The following TECRL variants were observed in gnomAD, a reference collection of about 807,000 sequenced individuals.
The protein encoded by TECRL is trans-2,3-enoyl-CoA reductase-like.
TECRL carries 63 observed loss-of-function variants against 52.8 expected under a neutral mutation model. That is an observed-to-expected ratio of 1.19 (90% CI 0.97 to 1.47). The LOEUF (loss-of-function observed/expected upper bound fraction) is 1.47, where lower values mean the gene tolerates loss of function less well. Ranked by LOEUF, TECRL falls within the 40% of genes most tolerant of loss-of-function variation. TECRL has a pLI of 0.00. For synonymous variants in TECRL, 164 were observed against 141.9 expected, an observed-to-expected ratio of 1.16 and a Z score of -1.10; for missense variants, 482 against 429.6, an observed-to-expected ratio of 1.12 and a Z score of -1.08.
At chr4:64,345,758 C>T (rs1441474862) in intron 2 of TECRL, among the ~76,000 whole-genome samples, 1 of 151,476 alleles carries the variant, frequency 6.6e-6, no homozygotes, top group Non-Finnish European at 1.5e-5. Context: ...AGTTAAGGTC[C>T]TGTTGAACCT....
intron 2 of TECRL, among the ~76,000 whole-genome samples, chr4:64,330,619 A>G (rs1028187394): frequency 2.0e-5 from 3 of 152,120 alleles, no homozygotes; most frequent in African/African-American, 7.2e-5. Context: ...CCTGGGCAAT[A>G]TAATGAGACT....
At chr4:64,328,410 C>A in intron 3 of TECRL, 102 bp downstream of exon 3, 1 of 939,904 alleles carries the variant, frequency 1.1e-6, no homozygotes, top group Admixed American at 2.3e-5. Context: ...TTAAATAATA[C>A]TAATATTTGT....
At chr4:64,308,477 G>T (rs1312082906) in intron 6 of TECRL, among the ~76,000 whole-genome samples, 1 of 152,118 alleles carries the variant, frequency 6.6e-6, no homozygotes, top group African/African-American at 2.4e-5. Flanking sequence ...ACAACCCCAG[G>T]GGGATCTCTA....
chr4:64,366,105 G>A (rs1232684987), intron 2 of TECRL, among the ~76,000 whole-genome samples: 4 of 151,920 alleles, frequency 2.6e-5, no homozygotes, highest in Admixed American at 2.6e-4. Flanking sequence ...CTGATCTTTG[G>A]CAAAGTGGTC....
chr4:64,294,441 G>T (rs867776126), intron 8 of TECRL, among the ~76,000 whole-genome samples: 22 of 152,016 alleles, frequency 1.4e-4, no homozygotes, highest in African/African-American at 5.3e-4. Flanking sequence ...AAGAAAATAG[G>T]TTATGATGCG....
At chr4:64,307,589 A>G (rs556516051) in intron 6 of TECRL, among the ~76,000 whole-genome samples, 2 of 152,244 alleles carry the variant, frequency 1.3e-5, no homozygotes, top group South Asian at 4.2e-4. Flanking sequence ...CATATGTGTA[A>G]CAATCCATCT....
rs567833551 is a variant in TECRL at position 64,340,336 on chromosome 4, C to A, written c.287-11780G>T. Reference sequence around the variant, plus strand: ...GCTGCAGCCACCCAAATCATGGCTGCAGGCCCAGGAATCCCTGAACTCTCA... The same window carrying A: ...GCTGCAGCCACCCAAATCATGGCTGAAGGCCCAGGAATCCCTGAACTCTCA... On this transcript the variant is annotated intron_variant, in intron 2 of 11. Coordinates refer to ENST00000381210, the MANE Select transcript of TECRL (RefSeq NM_001010874.5). Among the ~76,000 whole-genome samples, 437 of 152,352 alleles carry A rather than the reference C, an allele frequency of 2.9e-3. 2 individuals are homozygous for A. Among genetic ancestry groups the A allele is most frequent in the Non-Finnish European group, 5.1e-3 (348 of 68,032 alleles).
chr4:64,305,927 C>A (rs1389749224), intron 6 of TECRL, among the ~76,000 whole-genome samples: 2 of 152,162 alleles, frequency 1.3e-5, no homozygotes, highest in East Asian at 3.9e-4. Context: ...GAGAGCATTT[C>A]TATTGCTTAA....
chr4:64,298,909 TAC>T (rs1388784239), intron 8 of TECRL: 1 of 151,250 alleles, frequency 6.6e-6, no homozygotes, highest in Admixed American at 6.6e-5. Flanking sequence ...GTACGCTGTA[TAC>T]AACATTAAAT....
At chr4:64,309,733 TAA>T in intron 6 of TECRL, 91 bp downstream of exon 6, 1 of 846,956 alleles carries the variant, frequency 1.2e-6, no homozygotes, top group South Asian at 1.5e-5. Flanking sequence ...CGTGAAAATC[TAA>T]GTTTCGGAAG....
chr4:64,339,741 C>T (rs554834893), intron 2 of TECRL, among the ~76,000 whole-genome samples: 1 of 152,100 alleles, frequency 6.6e-6, no homozygotes, highest in South Asian at 2.1e-4. Context: ...GCACTACCCC[C>T]AAACTAGAGA....
rs58081123 is a variant in TECRL, at chr4:64,374,021, G to T, written c.286+1151C>A. Among the ~76,000 whole-genome samples, 170 of 25,250 alleles carry T rather than the reference G, an allele frequency of 6.7e-3. 3 individuals are homozygous for T. The highest frequency in any genetic ancestry group is 0.022 in the African/African-American group (161 of 7,476). 16.6% of individuals were successfully genotyped at this position (25,250 alleles called of 152,430 possible). A position where few individuals can be genotyped will look rare whatever the true frequency, so the allele number is the denominator to read the frequency against. On this transcript the variant is annotated intron_variant, in intron 2 of 11. Coordinates refer to ENST00000381210, the MANE Select transcript of TECRL (RefSeq NM_001010874.5). ...CTATACTATAGTATAGTATATAGTA[G>T]ATACATATATATATATGTATATAGT...
chr4:64,390,639 C>T (rs572749172), intron 1 of TECRL, among the ~76,000 whole-genome samples: 1 of 151,862 alleles, frequency 6.6e-6, no homozygotes, highest in South Asian at 2.1e-4. Context: ...GGAGTCATTG[C>T]TTACTTTAAA....
chr4:64,360,768 T>A (rs1469494505), intron 2 of TECRL, among the ~76,000 whole-genome samples: 1 of 152,076 alleles, frequency 6.6e-6, no homozygotes, highest in Non-Finnish European at 1.5e-5. Flanking sequence ...GTGAGTGCAA[T>A]AGGTGTGGAA....
chr4:64,396,043 T>A (rs1258333968), intron 1 of TECRL, among the ~76,000 whole-genome samples: 1 of 152,198 alleles, frequency 6.6e-6, no homozygotes, highest in Non-Finnish European at 1.5e-5. Flanking sequence ...ATGGTATACA[T>A]GTATCATGTT....
At chr4:64,372,629 A>G (rs923807654) in intron 2 of TECRL, among the ~76,000 whole-genome samples, 3 of 151,836 alleles carry the variant, frequency 2.0e-5, no homozygotes, top group Non-Finnish European at 4.4e-5. Context: ...TGTAAAGCTG[A>G]TAAGTCTGAG....
chr4:64,285,444 G>A (rs574317637), intron 9 of TECRL, among the ~76,000 whole-genome samples: 1 of 152,054 alleles, frequency 6.6e-6, no homozygotes, highest in African/African-American at 2.4e-5. Context: ...CATGACTCAT[G>A]ACATTTTGTA....
At chr4:64,320,976 A>AT (rs915429512) in intron 4 of TECRL, among the ~76,000 whole-genome samples, 2 of 151,748 alleles carry the variant, frequency 1.3e-5, no homozygotes, top group African/African-American at 4.8e-5. Flanking sequence ...TAAATCAACT[A>AT]TTTTTTTTCA....
intron 1 of TECRL, among the ~76,000 whole-genome samples, chr4:64,391,159 T>G (rs183951272): frequency 8.6e-5 from 13 of 151,918 alleles, no homozygotes; most frequent in Admixed American, 1.3e-4. Flanking sequence ...CAATGAAAAT[T>G]TTATCATTAC....
Sources: gnomAD v4.1 joint callset for allele counts (sites outside exome capture counted in the v4.1 genomes callset) on GRCh38, gnomAD v4.1.1 for gene constraint, MANE v1.5 for transcripts, NCBI Gene and HGNC (gene_info 2026-07-23, HGNC 2026-07-21) for gene names.